Variants in COG5 observed in about 807,000 individuals in gnomAD.
The protein encoded by COG5 is component of oligomeric golgi complex 5.
A neutral mutation model predicts 110.4 loss-of-function variants in COG5; 86 were observed. The ratio of observed to expected loss-of-function variants is 0.78; its 90% CI spans 0.65 to 0.93. COG5 has a LOEUF of 0.93. COG5 is among the 40% of genes least tolerant of loss of function. The pLI is 0.00. For missense variants in COG5, 1,077 were observed against 987.0 expected, an observed-to-expected ratio of 1.09 and a Z score of -1.22; for synonymous variants, 360 against 334.6, an observed-to-expected ratio of 1.08 and a Z score of -0.83.
intron 6 of COG5, among the ~76,000 whole-genome samples, chr7:107,413,187 C>CTT (rs11445827): frequency 4.6e-5 from 7 of 150,802 alleles, no homozygotes; most frequent in Non-Finnish European, 1.0e-4. Context: ...CAACTATTCT[C>CTT]TTTTTTTTTA....
chr7:107,354,853 C>T (rs1562985335), intron 10 of COG5, among the ~76,000 whole-genome samples: 1 of 152,202 alleles, frequency 6.6e-6, no homozygotes, highest in African/African-American at 2.4e-5. Flanking sequence ...CAAGGTTGCA[C>T]AATCAGTGGT....
chr7:107,331,358 C>T (rs995712855), intron 10 of COG5, among the ~76,000 whole-genome samples: 3 of 152,000 alleles, frequency 2.0e-5, no homozygotes, highest in Admixed American at 6.6e-5. Context: ...GTCCCAGCTA[C>T]TCAGGAGGCT....
intron 5 of COG5, among the ~76,000 whole-genome samples, chr7:107,537,780 G>C (rs914076510): frequency 6.6e-6 from 1 of 151,440 alleles, no homozygotes; most frequent in African/African-American, 2.4e-5. Context: ...AGGATTATTT[G>C]AATAGACATG....
At chr7:107,222,074 C>T (rs1799972633) in intron 19 of COG5, among the ~76,000 whole-genome samples, 1 of 152,142 alleles carries the variant, frequency 6.6e-6, no homozygotes, top group South Asian at 2.1e-4. Context: ...CTGAACAGTA[C>T]ATGCGCATAA....
At chr7:107,446,566 A>G (rs1014145815) in intron 6 of COG5, among the ~76,000 whole-genome samples, 2 of 152,152 alleles carry the variant, frequency 1.3e-5, no homozygotes, top group African/African-American at 4.8e-5. Context: ...ACATCATATT[A>G]GAGATTTGAC....
intron 6 of COG5, among the ~76,000 whole-genome samples, chr7:107,494,006 T>C (rs925395109): frequency 6.6e-6 from 1 of 152,140 alleles, no homozygotes; most frequent in Admixed American, 6.6e-5. Context: ...AACAAAGTAA[T>C]TTAATAGCAA....
chr7:107,448,767 A>G (rs1400081990), intron 6 of COG5, among the ~76,000 whole-genome samples: 2 of 152,168 alleles, frequency 1.3e-5, no homozygotes, highest in Admixed American at 6.5e-5. Context: ...TTTTTTCCCA[A>G]TAAATACATT....
rs574921001 is a variant in COG5, at chr7:107,478,694, T to C, written c.538+48543A>G. Among the ~76,000 whole-genome samples, 3 of 152,116 alleles carry C rather than the reference T, an allele frequency of 2.0e-5. No homozygotes were observed. In the South Asian group the frequency reaches 6.2e-4, roughly 32 times the overall value. On this transcript the variant is annotated intron_variant, in intron 6 of 21. Transcript: ENST00000297135. ...ATACTATATATAGGGTTCAATACTA[T>C]CCATAGTTTCAGACATCCTCTGGTG...
At chr7:107,348,125 CA>C (rs34140927) in intron 10 of COG5, among the ~76,000 whole-genome samples, 1,576 of 51,162 alleles carry the variant, frequency 0.031, 7 homozygotes, top group East Asian at 0.12. Context: ...GACTCCATCT[CA>C]AAAAAAAAAA....
chr7:107,333,488 T>G, intron 10 of COG5, among the ~76,000 whole-genome samples: 1 of 152,272 alleles, frequency 6.6e-6, no homozygotes, highest in East Asian at 1.9e-4. Flanking sequence ...ACATGTACAC[T>G]GTTCAGAGAG....
intron 14 of COG5, chr7:107,258,641 G>A: frequency 3.9e-6 from 2 of 514,928 alleles, no homozygotes; most frequent in Non-Finnish European, 7.0e-6. Context: ...GGGAAGAACA[G>A]CTCCATTTAT....
chr7:107,427,663 C>A (rs527841386), intron 6 of COG5, among the ~76,000 whole-genome samples: 10 of 152,124 alleles, frequency 6.6e-5, no homozygotes, highest in African/African-American at 2.4e-4. Flanking sequence ...CCAGGCCTGC[C>A]ACTGGAGACA....
At chr7:107,294,500 T>C (rs986775569) in intron 12 of COG5, among the ~76,000 whole-genome samples, 12 of 152,136 alleles carry the variant, frequency 7.9e-5, no homozygotes, top group Non-Finnish European at 1.2e-4. Flanking sequence ...AATTTTAAAA[T>C]GTTTATCAGT....
At chr7:107,378,771 G>A (rs1440238811) in intron 7 of COG5, among the ~76,000 whole-genome samples, 1 of 152,066 alleles carries the variant, frequency 6.6e-6, no homozygotes, top group Non-Finnish European at 1.5e-5. Flanking sequence ...TAGGGCACTA[G>A]GAGAAAAGAC....
intron 11 of COG5, among the ~76,000 whole-genome samples, chr7:107,299,112 T>C (rs984258313): frequency 1.3e-5 from 2 of 152,062 alleles, no homozygotes; most frequent in African/African-American, 4.8e-5. Context: ...TAAACTTCCA[T>C]TTTAAGAATA....
At chr7:107,283,870 G>T in intron 12 of COG5, 138 bp from the exon 13 acceptor site, 1 of 634,766 alleles carries the variant, frequency 1.6e-6, no homozygotes, top group South Asian at 1.9e-5. Flanking sequence ...AAAATAATTT[G>T]TTTCACAACG....
At chr7:107,446,212 T>G (rs1414497564) in intron 6 of COG5, among the ~76,000 whole-genome samples, 1 of 152,208 alleles carries the variant, frequency 6.6e-6, no homozygotes, top group Admixed American at 6.5e-5. Flanking sequence ...TATTCAAAAA[T>G]AGTAAGTCCT....
intron 6 of COG5, among the ~76,000 whole-genome samples, chr7:107,469,250 G>A (rs1433291457): frequency 6.6e-6 from 1 of 151,676 alleles, no homozygotes; most frequent in Non-Finnish European, 1.5e-5. Flanking sequence ...TAAGAAATGT[G>A]CCCAGGTCAA....
chr7:107,201,455 T>G lies in COG5; in HGVS notation c.*2061A>C. The G allele has an allele frequency of 2.0e-6, 3 of 1,510,456 alleles. No homozygotes were observed. The highest frequency in any genetic ancestry group is 2.8e-6 in the Non-Finnish European group (3 of 1,088,090). 93.6% of individuals were successfully genotyped at this position (1,510,456 alleles called of 1,614,324 possible). ...AAACCAGGATGCTTATGTTCTTAAG[T>G]CTATATTTGCATATACATTGACTCT... On this transcript the variant is annotated 3_prime_UTR_variant, in exon 22 of 22. Coordinates refer to ENST00000297135, the MANE Select transcript of COG5 (RefSeq NM_006348.5).
Sources: gnomAD v4.1 joint callset for allele counts (sites outside exome capture counted in the v4.1 genomes callset) on GRCh38, gnomAD v4.1.1 for gene constraint, MANE v1.5 for transcripts, NCBI Gene and HGNC (gene_info 2026-07-23, HGNC 2026-07-21) for gene names.